Variants in XYLT1 observed in about 807,000 individuals in gnomAD.
The protein encoded by XYLT1 is beta-D-xylosyltransferase 1.
Under a neutral mutation model 91.3 loss-of-function variants are expected in XYLT1, and 36 were observed. That is an observed-to-expected ratio of 0.39 (90% CI 0.30 to 0.52). The LOEUF is 0.52. Ranked by LOEUF, XYLT1 falls within the 20% of genes least tolerant of loss-of-function variation. The pLI, the probability that XYLT1 is intolerant of heterozygous loss-of-function variation, is 0.68. For synonymous variants in XYLT1, 588 were observed against 532.0 expected, an observed-to-expected ratio of 1.11 and a Z score of -1.45; for missense variants, 1,242 against 1,284.5, an observed-to-expected ratio of 0.97 and a Z score of 0.51.
intron 3 of XYLT1, among the ~76,000 whole-genome samples, chr16:17,239,500 CTATT>C (rs1277331353): frequency 8.4e-6 from 1 of 119,328 alleles, no homozygotes; most frequent in African/African-American, 3.0e-5. Context: ...CCCAGTCCAT[CTATT>C]CATCCATCCA....
At chr16:17,179,068 C>CAA (rs78766186) in intron 5 of XYLT1, among the ~76,000 whole-genome samples, 2 of 119,518 alleles carry the variant, frequency 1.7e-5, no homozygotes, top group African/African-American at 3.1e-5. Context: ...GACCCTGTCT[C>CAA]AAAAAAAAAA....
chr16:17,245,735 T>C (rs2033425550), intron 3 of XYLT1, among the ~76,000 whole-genome samples: 1 of 152,198 alleles, frequency 6.6e-6, no homozygotes, highest in African/African-American at 2.4e-5. Context: ...GGTAATAAAT[T>C]GTGACCTAAA....
At chr16:17,315,290 T>C (rs1263727743) in intron 2 of XYLT1, among the ~76,000 whole-genome samples, 1 of 152,268 alleles carries the variant, frequency 6.6e-6, no homozygotes. Flanking sequence ...ATCTATCTCC[T>C]GCCTTGTGGA....
chr16:17,415,726 G>A (rs528680637), intron 1 of XYLT1, among the ~76,000 whole-genome samples: 1 of 152,242 alleles, frequency 6.6e-6, no homozygotes, highest in South Asian at 2.1e-4. Flanking sequence ...GAAATAAATG[G>A]AGAGTTCAGA....
At chr16:17,188,255 C>T (rs959898539) in intron 5 of XYLT1, among the ~76,000 whole-genome samples, 10 of 152,244 alleles carry the variant, frequency 6.6e-5, no homozygotes, top group East Asian at 1.9e-4. Flanking sequence ...TATTCTCCCA[C>T]GGCAGCCAGT....
chr16:17,393,370 G>A (rs1304272689), intron 1 of XYLT1, among the ~76,000 whole-genome samples: 2 of 152,198 alleles, frequency 1.3e-5, no homozygotes, highest in Non-Finnish European at 2.9e-5. Context: ...CTGTGGAGTG[G>A]TGAAGTGTGG....
chr16:17,228,836 A>G (rs1204508309), intron 3 of XYLT1, among the ~76,000 whole-genome samples: 1 of 152,184 alleles, frequency 6.6e-6, no homozygotes, highest in Non-Finnish European at 1.5e-5. Flanking sequence ...CTGGCCCAAA[A>G]CACCCTTGGG....
chr16:17,446,648 G>A (rs148264454), intron 1 of XYLT1, among the ~76,000 whole-genome samples: 13 of 152,252 alleles, frequency 8.5e-5, no homozygotes, highest in South Asian at 6.2e-4. Context: ...GTCTTCCCTC[G>A]ATTCTGCAGG....
chr16:17,356,302 G>A (rs11859994), intron 2 of XYLT1, among the ~76,000 whole-genome samples: 1 of 152,162 alleles, frequency 6.6e-6, no homozygotes, highest in African/African-American at 2.4e-5. Context: ...ATAAGGCAAA[G>A]GTGGTCAAGG....
chr16:17,451,582 T>C (rs951373972), intron 1 of XYLT1, among the ~76,000 whole-genome samples: 7 of 152,220 alleles, frequency 4.6e-5, no homozygotes, highest in African/African-American at 1.7e-4. Flanking sequence ...GCAAACATCC[T>C]GGGTACATCT....
intron 2 of XYLT1, among the ~76,000 whole-genome samples, chr16:17,297,674 G>C (rs2034332030): frequency 6.6e-6 from 1 of 152,164 alleles, no homozygotes; most frequent in Admixed American, 6.5e-5. Flanking sequence ...AGTGAGCCAT[G>C]ATCATGCCAC....
At chr16:17,430,495 T>C (rs1363042615) in intron 1 of XYLT1, among the ~76,000 whole-genome samples, 1 of 152,126 alleles carries the variant, frequency 6.6e-6, no homozygotes, top group Non-Finnish European at 1.5e-5. Context: ...AGGTGCCTTG[T>C]TCAAAAATTA....
intron 2 of XYLT1, among the ~76,000 whole-genome samples, chr16:17,301,687 T>C (rs1371699069): frequency 6.6e-6 from 1 of 152,132 alleles, no homozygotes; most frequent in Non-Finnish European, 1.5e-5. Flanking sequence ...AAGGCCACAG[T>C]GCGAAGGCGT....
chr16:17,322,590 C>T (rs1028436245), intron 2 of XYLT1, among the ~76,000 whole-genome samples: 3 of 152,224 alleles, frequency 2.0e-5, no homozygotes, highest in Non-Finnish European at 4.4e-5. Context: ...GACCTCTGCA[C>T]ATGCTGCTCC....
At chr16:17,205,375 A>C (rs192543781) in intron 3 of XYLT1, among the ~76,000 whole-genome samples, 2 of 152,374 alleles carry the variant, frequency 1.3e-5, no homozygotes, top group Non-Finnish European at 2.9e-5. Context: ...AGTGTCCTGC[A>C]ATAATGATTT....
intron 3 of XYLT1, among the ~76,000 whole-genome samples, chr16:17,255,001 T>C (rs1288020857): frequency 5.5e-5 from 8 of 145,890 alleles, no homozygotes; most frequent in East Asian, 2.0e-4. Context: ...TTTTTCTTTT[T>C]TTTTTTTTTT....
At chr16:17,167,680 C>T (rs2031729295) in intron 5 of XYLT1, among the ~76,000 whole-genome samples, 1 of 152,074 alleles carries the variant, frequency 6.6e-6, no homozygotes, top group South Asian at 2.1e-4. Flanking sequence ...TCTAACCCAT[C>T]CTTCCATCTC....
intron 1 of XYLT1, among the ~76,000 whole-genome samples, chr16:17,420,953 C>G (rs2036243553): frequency 6.6e-6 from 1 of 152,180 alleles, no homozygotes; most frequent in South Asian, 2.1e-4. Flanking sequence ...ATCCTCTTGT[C>G]TTTGGGCCCA....
intron 2 of XYLT1, among the ~76,000 whole-genome samples, chr16:17,305,588 G>A (rs534789282): frequency 5.3e-4 from 81 of 151,956 alleles, no homozygotes; most frequent in African/African-American, 1.9e-3. Context: ...GCTAACTTTT[G>A]TATTTTTAGT....
Sources: gnomAD v4.1 joint callset for allele counts (sites outside exome capture counted in the v4.1 genomes callset) on GRCh38, gnomAD v4.1.1 for gene constraint, MANE v1.5 for transcripts, NCBI Gene and HGNC (gene_info 2026-07-23, HGNC 2026-07-21) for gene names.